Variants in SULF2 observed in about 807,000 individuals in gnomAD.
SULF2 encodes the protein extracellular sulfatase Sulf-2.
SULF2 carries 52 observed loss-of-function variants against 107.7 expected under a neutral mutation model. The observed-to-expected ratio is 0.48, with a 90% CI of 0.39 to 0.61. SULF2 has a LOEUF of 0.61. Among genes scored for constraint, SULF2 ranks in the 20% least tolerant of loss-of-function variants. The pLI, the probability that SULF2 is intolerant of heterozygous loss-of-function variation, is 0.00. For missense variants in SULF2, 993 were observed against 1,177.3 expected, an observed-to-expected ratio of 0.84 and a Z score of 2.29; for synonymous variants, 460 against 464.3, an observed-to-expected ratio of 0.99 and a Z score of 0.12.
intron 2 of SULF2, among the ~76,000 whole-genome samples, chr20:47,742,820 T>C (rs2089916455): frequency 6.6e-6 from 1 of 151,986 alleles, no homozygotes; most frequent in South Asian, 2.1e-4. Flanking sequence ...GTTGCCAGTG[T>C]CATAGGAAAT....
Position 47,672,238 on chromosome 20 carries a change from C to T in SULF2, c.1536G>A (p.Lys512=), listed in dbSNP as rs754794088. 2 of 1,612,680 alleles carry T rather than the reference C, an allele frequency of 1.2e-6. No homozygotes were observed. Among genetic ancestry groups the T allele is most frequent in the Admixed American group, 1.7e-5 (1 of 59,982 alleles). ...TTTTCCGGCGTCCGGCCAGGCTGAG[C>T]TTGTAGTCCCCGCTGTCACAGGTGC... ...EACTCDSGDY[K]LSLAGRRKKL... Residue 512 remains lysine, a synonymous_variant, in exon 11 of 21, where the codon AAG becomes AAA. Transcript: ENST00000688720.
chr20:47,764,287 T>G (rs2090480229), intron 1 of SULF2, among the ~76,000 whole-genome samples: 1 of 152,222 alleles, frequency 6.6e-6, no homozygotes, highest in African/African-American at 2.4e-5. Context: ...AGGTACAGGT[T>G]TTTGTCATTT....
Position 47,684,472 on chromosome 20 carries a change from G to T in SULF2, c.847C>A (p.Arg283Ser). The T allele has an allele frequency of 6.2e-7, 1 of 1,613,776 alleles. No individual in the cohort carries two copies. The highest frequency in any genetic ancestry group is 8.5e-7 in the Non-Finnish European group (1 of 1,179,854). The change falls in exon 6 of 21, where the codon CGC becomes AGC. Residue 283 changes from arginine to serine, a missense_variant. By Grantham distance (110) the Arg-to-Ser change is moderately radical. Around this residue, in one of 3 missense-constraint regions of SULF2, gnomAD observed 388 missense variants for 449.2 expected, o/e 0.86. Coordinates refer to ENST00000688720, the MANE Select transcript of SULF2 (RefSeq NM_001387048.1). ...TCCACCGACATGAGGGTCTGCAAGC[G>T]CTTCCGCTGGAGCATGTTGGTGAAT... The part of the protein sequence containing the change: ...MEFTNMLQRK[R>S]LQTLMSVDDS...
At position 47,762,514 on chromosome 20, in the gene SULF2, T is replaced by C. The variant is rs955043012; in HGVS notation, c.-100-5051A>G. 6.6e-5 allele frequency among the ~76,000 whole-genome samples: 10 copies of C among 152,304 alleles called. No individual in the cohort carries two copies. In the East Asian group the frequency reaches 7.7e-4, roughly 12 times the overall value. Reference sequence around the variant, plus strand: ...AGTTAAAATCACTTTCCCCCGATCATATGGGTAAGTGGCAGAGAAGGGGTT... The same window carrying C: ...AGTTAAAATCACTTTCCCCCGATCACATGGGTAAGTGGCAGAGAAGGGGTT... On this transcript the variant is annotated intron_variant, in intron 1 of 20. Coordinates refer to ENST00000688720, the MANE Select transcript of SULF2 (RefSeq NM_001387048.1).
chr20:47,661,943 C>T (rs758596012), intron 17 of SULF2, 47 bp from the exon 18 acceptor site: 2 of 1,443,968 alleles, frequency 1.4e-6, no homozygotes, highest in East Asian at 2.5e-5. Context: ...TACAGGGACT[C>T]TCGCCCTGCC....
intron 11 of SULF2, among the ~76,000 whole-genome samples, chr20:47,670,999 C>A (rs143792063): frequency 7.3e-5 from 11 of 151,686 alleles, no homozygotes; most frequent in Non-Finnish European, 1.6e-4. Flanking sequence ...GCCGGCGGAC[C>A]CCGACGCCTC....
At position 47,681,351 on chromosome 20, in the gene SULF2, G is replaced by T. The variant is rs374085155; in HGVS notation, c.1064+1643C>A. 5.3e-5 allele frequency among the ~76,000 whole-genome samples: 8 copies of T among 152,194 alleles called. No individual in the cohort carries two copies. The East Asian group carries it at 1.4e-3, about 26-fold the overall frequency. On this transcript the variant is annotated intron_variant, in intron 7 of 20. Coordinates refer to ENST00000688720, the MANE Select transcript of SULF2 (RefSeq NM_001387048.1). ...GGCTGACAGATACCGTGTGTCTTTG[G>T]TCCCAAACCTGACATGAGCACTCTC...
intron 1 of SULF2, among the ~76,000 whole-genome samples, chr20:47,764,640 T>C (rs1165579004): frequency 1.3e-5 from 2 of 152,116 alleles, no homozygotes; most frequent in African/African-American, 2.4e-5. Flanking sequence ...ATGGTGCTGA[T>C]GGTGGCCGCC....
intron 3 of SULF2, among the ~76,000 whole-genome samples, chr20:47,728,352 G>A (rs1217429953): frequency 2.0e-5 from 3 of 152,158 alleles, no homozygotes; most frequent in African/African-American, 7.2e-5. Flanking sequence ...GCCCAGGGAC[G>A]GCATCCCGGG....
chr20:47,770,037 G>A (rs529376665), intron 1 of SULF2, among the ~76,000 whole-genome samples: 32 of 148,578 alleles, frequency 2.2e-4, no homozygotes, highest in African/African-American at 7.7e-4. Context: ...GCTTGCGGGT[G>A]ATGTGATCTG....
At chr20:47,756,062 G>A (rs763523801) in intron 2 of SULF2, among the ~76,000 whole-genome samples, 2 of 152,192 alleles carry the variant, frequency 1.3e-5, no homozygotes, top group Non-Finnish European at 2.9e-5. Context: ...AACATCTGCT[G>A]GATGAATGAA....
Position 47,659,297 on chromosome 20 carries a change from A to AC in SULF2, c.2582+101dup. 2.9e-6 allele frequency: 3 copies of AC among 1,045,802 alleles called. No homozygotes were observed. The Middle Eastern group carries it at 6.6e-4, about 231-fold the overall frequency. 64.8% of individuals were successfully genotyped at this position (1,045,802 alleles called of 1,614,324 possible). ...CCCCCCACCCTCATCATGAGAACAA[A>AC]CAAAGGGTGGTATGTAAGAAATGGC... On this transcript the variant is annotated intron_variant, in intron 20 of 20. Coordinates refer to ENST00000688720, the MANE Select transcript of SULF2 (RefSeq NM_001387048.1).
intron 5 of SULF2, chr20:47,689,531 C>T (rs1440062049): frequency 6.6e-6 from 1 of 152,258 alleles, no homozygotes; most frequent in Admixed American, 6.5e-5. Context: ...TGATTGCAAC[C>T]TCAGGAGACC....
chr20:47,673,762 G>A (rs886973025), intron 10 of SULF2, among the ~76,000 whole-genome samples: 1 of 152,230 alleles, frequency 6.6e-6, no homozygotes, highest in Non-Finnish European at 1.5e-5. Flanking sequence ...GGGGACCTGG[G>A]GAGGCTAAAG....
chr20:47,663,007 G>C, intron 17 of SULF2, 63 bp downstream of exon 17: 1 of 1,588,170 alleles, frequency 6.3e-7, no homozygotes, highest in East Asian at 2.2e-5. Flanking sequence ...AGGTTGGGGG[G>C]GGCCTACCTG....
chr20:47,659,013 T>C (rs2086982268), intron 20 of SULF2, among the ~76,000 whole-genome samples: 1 of 152,228 alleles, frequency 6.6e-6, no homozygotes, highest in Non-Finnish European at 1.5e-5. Context: ...AGTGAGAGTT[T>C]GTAGCATGGG....
rs1435730935 is a variant in SULF2, at chr20:47,694,041, G to A, written c.568-3746C>T. Among the ~76,000 whole-genome samples, 1 of 152,172 alleles carries A rather than the reference G, an allele frequency of 6.6e-6. No homozygotes were observed. Among genetic ancestry groups the A allele is most frequent in the African/African-American group, 2.4e-5 (1 of 41,442 alleles). ...CATCCTCCTCAGTGGCCACTCCTCG[G>A]CTAAGTCTTCCCCGATCTCTGCTAG... On this transcript the variant is annotated intron_variant, in intron 4 of 20. Coordinates refer to ENST00000688720, the MANE Select transcript of SULF2 (RefSeq NM_001387048.1). This position sits in a 1 kb window ranked among gnomAD's most constrained non-coding sequence, Gnocchi z 4.4.
rs116820118 is a variant in SULF2, at chr20:47,683,119, T to C, written c.939A>G (p.Val313=). Residue 313 remains valine (V), a synonymous_variant, in exon 7 of 21, where the codon GTA becomes GTG. Coordinates refer to ENST00000688720, the MANE Select transcript of SULF2 (RefSeq NM_001387048.1). ...TGTGGTAACCGTGGTCGGCGGTGTA[T>C]ACGATGTACGTGTTGTCCAGCTCGC... The part of the protein sequence containing the change: ...ETGELDNTYI[V]YTADHGYHIG... The C allele has an allele frequency of 1.0e-3, 1,618 of 1,613,466 alleles. 23 individuals are homozygous for C. The African/African-American group carries it at 0.02, about 20-fold the overall frequency.
intron 1 of SULF2, among the ~76,000 whole-genome samples, chr20:47,770,593 T>C (rs1427348101): frequency 6.6e-6 from 1 of 152,142 alleles, no homozygotes; most frequent in African/African-American, 2.4e-5. Context: ...CCGCAAAACT[T>C]AGTGGTGAAT....
Sources: gnomAD v4.1 joint callset for allele counts (sites outside exome capture counted in the v4.1 genomes callset) on GRCh38, gnomAD v4.1.1 for gene constraint, gnomAD v4.1.1 regional missense constraint, Gnocchi (gnomAD v3.1) non-coding constraint, MANE v1.5 for transcripts, NCBI Gene and HGNC (gene_info 2026-07-23, HGNC 2026-07-21) for gene names.